EXOC2: variants seen among roughly 807,000 people sequenced by gnomAD.
EXOC2 encodes the protein exocyst complex component 2, also known as SEC5-like 1.
Under a neutral mutation model 131.8 loss-of-function variants are expected in EXOC2, and 70 were observed. That is an observed-to-expected ratio of 0.53 (90% CI 0.44 to 0.65). The LOEUF (loss-of-function observed/expected upper bound fraction) is 0.65, where lower values mean the gene tolerates loss of function less well. Ranked by LOEUF, EXOC2 falls within the 30% of genes least tolerant of loss-of-function variation. EXOC2 has a pLI of 0.00. For synonymous variants in EXOC2, 411 were observed against 398.4 expected, an observed-to-expected ratio of 1.03 and a Z score of -0.38; for missense variants, 923 against 1,108.6, an observed-to-expected ratio of 0.83 and a Z score of 2.38.
chr6:567,653 A>G (rs1057373878), intron 13 of EXOC2, among the ~76,000 whole-genome samples: 4 of 152,140 alleles, frequency 2.6e-5, no homozygotes, highest in Non-Finnish European at 4.4e-5. Context: ...ATGTCTACAT[A>G]CGTGTACATG....
intron 1 of EXOC2, among the ~76,000 whole-genome samples, chr6:681,964 T>C (rs573846470): frequency 1.3e-4 from 20 of 152,272 alleles, no homozygotes; most frequent in Admixed American, 9.8e-4. Flanking sequence ...AAAGCTAAGG[T>C]AGAAATGGAG....
chr6:497,570 A>C, intron 24 of EXOC2, 81 bp from the exon 25 acceptor site: 1 of 1,482,192 alleles, frequency 6.7e-7, no homozygotes, highest in Non-Finnish European at 9.0e-7. Flanking sequence ...CATTCAAAAC[A>C]AAACAAAAGA....
At chr6:525,741 C>T (rs142622326) in intron 23 of EXOC2, among the ~76,000 whole-genome samples, 1,595 of 152,170 alleles carry the variant, frequency 0.01, 33 homozygotes, top group African/African-American at 0.037. Flanking sequence ...CTTCTTATCC[C>T]CTTTCAAGAT....
chr6:654,337 T>C (rs1262001715), intron 1 of EXOC2, among the ~76,000 whole-genome samples: 1 of 152,200 alleles, frequency 6.6e-6, no homozygotes, highest in Non-Finnish European at 1.5e-5. Flanking sequence ...GGATTCATCA[T>C]TCTAGATGGC....
chr6:656,976 G>C, intron 1 of EXOC2: 3 of 1,485,902 alleles, frequency 2.0e-6, no homozygotes, highest in Non-Finnish European at 2.7e-6. Context: ...GGGGGCCTCT[G>C]AGGGGGATTC....
Position 549,242 on chromosome 6 carries a change from T to C in EXOC2, c.2171A>G (p.His724Arg). ...VLSNCCYLER[H>R]TFLNIAEHFE... is the part of the protein sequence containing the mutation. ...ATGTTCTGCGATATTTAGGAAGGTG[T>C]GACGTTCTAGATAGCAGCAATTACT... Residue 724 changes from histidine (H) to arginine (R), a missense_variant, in exon 22 of 28, where the codon CAC (histidine) becomes CGC (arginine). Coordinates refer to ENST00000230449, the MANE Select transcript of EXOC2 (RefSeq NM_018303.6). 3 of 1,614,222 alleles carry C rather than the reference T, an allele frequency of 1.9e-6. No individual in the cohort carries two copies. The highest frequency in any genetic ancestry group is 2.5e-6 in the Non-Finnish European group (3 of 1,180,034).
chr6:572,460 T>C, intron 13 of EXOC2, 60 bp downstream of exon 13: 1 of 1,542,716 alleles, frequency 6.5e-7, no homozygotes, highest in East Asian at 2.3e-5. Flanking sequence ...AATCTAACAT[T>C]TTAAAGACCA....
intron 2 of EXOC2, 59 bp from the exon 3 acceptor site, chr6:633,176 C>T (rs1761937770): frequency 1.9e-6 from 3 of 1,547,268 alleles, no homozygotes; most frequent in African/African-American, 1.4e-5. Context: ...AGACCTTAAT[C>T]GTGTAGATTA....
intron 1 of EXOC2, among the ~76,000 whole-genome samples, chr6:645,943 C>A (rs541326717): frequency 6.6e-6 from 1 of 152,198 alleles, no homozygotes; most frequent in Admixed American, 6.5e-5. Flanking sequence ...GCAGTGCCCA[C>A]TGTCCAAACC....
intron 23 of EXOC2, among the ~76,000 whole-genome samples, chr6:521,993 T>A (rs931865875): frequency 6.6e-6 from 1 of 152,258 alleles, no homozygotes; most frequent in African/African-American, 2.4e-5. Context: ...AAATTTCGTA[T>A]TTTATTGATG....
At chr6:630,662 T>C (rs1488360133) in intron 3 of EXOC2, among the ~76,000 whole-genome samples, 2 of 152,226 alleles carry the variant, frequency 1.3e-5, no homozygotes, top group Non-Finnish European at 2.9e-5. Context: ...CTACAAACTC[T>C]GGCATGTTTT....
intron 3 of EXOC2, among the ~76,000 whole-genome samples, chr6:631,364 C>T (rs551251891): frequency 6.6e-6 from 1 of 152,110 alleles, no homozygotes; most frequent in East Asian, 1.9e-4. Context: ...ATGGTGAAAC[C>T]CCATCTCTAC....
intron 7 of EXOC2, among the ~76,000 whole-genome samples, chr6:606,511 A>C (rs1395597077): frequency 6.6e-6 from 1 of 152,250 alleles, no homozygotes; most frequent in African/African-American, 2.4e-5. Context: ...TTTGTAGAAA[A>C]ACTTATCAAG....
chr6:673,122 C>T (rs1233620561), intron 1 of EXOC2, among the ~76,000 whole-genome samples: 1 of 151,616 alleles, frequency 6.6e-6, no homozygotes, highest in African/African-American at 2.4e-5. Flanking sequence ...ATTAGCTGGG[C>T]GTGGTGGCGG....
intron 20 of EXOC2, among the ~76,000 whole-genome samples, chr6:554,335 C>T (rs958409952): frequency 6.6e-6 from 1 of 152,262 alleles, no homozygotes; most frequent in East Asian, 1.9e-4. Context: ...CCACCATGTC[C>T]GGCCAGAAAC....
At chr6:617,540 A>T (rs1761075310) in intron 6 of EXOC2, among the ~76,000 whole-genome samples, 171 bp downstream of exon 6, 1 of 152,230 alleles carries the variant, frequency 6.6e-6, no homozygotes, top group African/African-American at 2.4e-5. Context: ...TTTTTAAAGT[A>T]CCAAGTCTTC....
chr6:664,639 C>G (rs1294672693), intron 1 of EXOC2, among the ~76,000 whole-genome samples: 2 of 152,104 alleles, frequency 1.3e-5, no homozygotes, highest in African/African-American at 2.4e-5. Flanking sequence ...AAGCCAAATA[C>G]TTACAGCCAA....
intron 1 of EXOC2, among the ~76,000 whole-genome samples, chr6:686,939 T>C (rs1293478306): frequency 2.0e-5 from 3 of 151,952 alleles, no homozygotes; most frequent in Non-Finnish European, 2.9e-5. Flanking sequence ...CACTACTTAA[T>C]AGGAAAACAA....
At chr6:504,977 C>T (rs914159205) in intron 23 of EXOC2, among the ~76,000 whole-genome samples, 2 of 152,114 alleles carry the variant, frequency 1.3e-5, no homozygotes, top group Non-Finnish European at 2.9e-5. Flanking sequence ...TGACTAGAAA[C>T]AGCACACTGA....
Sources: gnomAD v4.1 joint callset for allele counts (sites outside exome capture counted in the v4.1 genomes callset) on GRCh38, gnomAD v4.1.1 for gene constraint, MANE v1.5 for transcripts, NCBI Gene and HGNC (gene_info 2026-07-23, HGNC 2026-07-21) for gene names.